The following SMOC2 variants were observed in gnomAD, a reference collection of about 807,000 sequenced individuals.
SMOC2 encodes SPARC related modular calcium binding 2, also known as SPARC-related modular calcium-binding protein 2.
A neutral mutation model predicts 61.4 loss-of-function variants in SMOC2; 39 were observed. The ratio of observed to expected loss-of-function variants is 0.64; its 90% CI spans 0.49 to 0.83. The LOEUF (loss-of-function observed/expected upper bound fraction) is 0.83. SMOC2 is among the 40% of genes least tolerant of loss of function. The probability of loss-of-function intolerance (pLI) is 0.00; values close to 1 mark genes in which losing one functional copy is unlikely to be tolerated. For synonymous variants in SMOC2, 247 were observed against 239.9 expected (o/e 1.03, Z -0.27); for missense variants, 556 against 592.9 (o/e 0.94, Z 0.65).
chr6:168,560,232 G>T (rs925999725), intron 7 of SMOC2, among the ~76,000 whole-genome samples: 1 of 152,062 alleles, frequency 6.6e-6, no homozygotes, highest in Admixed American at 6.6e-5. Flanking sequence ...CTCTGCTTTT[G>T]CCTGAAAGTC....
intron 1 of SMOC2, among the ~76,000 whole-genome samples, chr6:168,497,817 G>A (rs933023585): frequency 1.3e-5 from 2 of 152,122 alleles, no homozygotes; most frequent in African/African-American, 2.4e-5. Context: ...CAAAATAAAT[G>A]GACACAGTCA....
intron 7 of SMOC2, among the ~76,000 whole-genome samples, chr6:168,560,530 G>T (rs1408682410): frequency 6.9e-6 from 1 of 144,822 alleles, no homozygotes; most frequent in Non-Finnish European, 1.5e-5. Flanking sequence ...GTTCTTGGAG[G>T]AGGTGTCATT....
intron 9 of SMOC2, among the ~76,000 whole-genome samples, chr6:168,611,116 T>C (rs138634837): frequency 0.017 from 2,537 of 152,322 alleles, 66 homozygotes; most frequent in African/African-American, 0.057. Context: ...TCCTCCCAGG[T>C]CCTCATGTGA....
In SMOC2 at chr6:168,453,890, A is replaced by G. The variant is rs1331109622; in HGVS notation, c.84+12436A>G. Among the ~76,000 whole-genome samples, 3 of 130,696 alleles carry G rather than the reference A, an allele frequency of 2.3e-5. No homozygotes were observed. Among genetic ancestry groups the G allele is most frequent in the Non-Finnish European group, 5.0e-5 (3 of 59,926 alleles). 85.7% of individuals were successfully genotyped at this position (130,696 alleles called of 152,430 possible). On this transcript the variant is annotated intron_variant, in intron 1 of 12. Coordinates refer to ENST00000356284, the MANE Select transcript of SMOC2 (RefSeq NM_001166412.2). The surrounding 1 kb of genome is among the most constrained non-coding windows in gnomAD (Gnocchi z 4.4). Reference sequence around the variant, plus strand: ...TGCCATTCTCCATCTCTGTCTCTCTATCTCTCTTTCTCTCTGTCTTCCTCT... The same window carrying G: ...TGCCATTCTCCATCTCTGTCTCTCTGTCTCTCTTTCTCTCTGTCTTCCTCT...
In SMOC2 at chr6:168,515,826, T is replaced by G. The variant is rs148097581; in HGVS notation, c.256+5740T>G. On this transcript the variant is annotated intron_variant, in intron 2 of 12. Transcript: ENST00000356284. ...GTGTCTACTCAGCAAATTGTGCTTC[T>G]GTTTCCCTCTAAGAGTATAAATATT... Among the ~76,000 whole-genome samples the G allele has an allele frequency of 1.1e-3, 172 of 152,018 alleles. 1 individual carries two copies. The highest frequency in any genetic ancestry group is 3.4e-3 in the African/African-American group (142 of 41,574).
intron 11 of SMOC2, among the ~76,000 whole-genome samples, chr6:168,653,801 G>C (rs1476338996): frequency 6.7e-6 from 1 of 148,802 alleles, no homozygotes; most frequent in Non-Finnish European, 1.5e-5. Context: ...CAGATGTTAG[G>C]AACTCACCAC....
intron 9 of SMOC2, among the ~76,000 whole-genome samples, chr6:168,647,300 G>A (rs1351301307): frequency 6.6e-6 from 1 of 152,218 alleles, no homozygotes; most frequent in Non-Finnish European, 1.5e-5. Flanking sequence ...GCGGCTAAGT[G>A]AGAAGAAGGC....
At position 168,523,080 on chromosome 6, in the gene SMOC2, T is replaced by TTC. The variant is rs67914047; in HGVS notation, c.257-3265_257-3264insCT. ...TATGTTATTTGTAGTTGTACAGTAATTTTTTTTTTTTTTTTTTTTGAGACG... is the reference window on the plus strand; with the variant it reads ...TATGTTATTTGTAGTTGTACAGTAATTCTTTTTTTTTTTTTTTTTTTGAGACG... On this transcript the variant is annotated intron_variant, in intron 2 of 12. Transcript: ENST00000356284. 1.0e-3 allele frequency among the ~76,000 whole-genome samples: 10 copies of TTC among 9,782 alleles called. 3 individuals are homozygous for TTC. Among genetic ancestry groups the TTC allele is most frequent in the Non-Finnish European group, 1.4e-3 (3 of 2,080 alleles). 6.4% of individuals were successfully genotyped at this position (9,782 alleles called of 152,430 possible). A position where few individuals can be genotyped will look rare whatever the true frequency, so the allele number is the denominator to read the frequency against.
At chr6:168,550,484 T>C (rs1458010639) in intron 7 of SMOC2, among the ~76,000 whole-genome samples, 1 of 152,148 alleles carries the variant, frequency 6.6e-6, no homozygotes, top group Non-Finnish European at 1.5e-5. Context: ...CAGAACCCCA[T>C]GGCGAGTCTA....
chr6:168,656,570 C>T (rs186119377), intron 11 of SMOC2, among the ~76,000 whole-genome samples: 3 of 147,122 alleles, frequency 2.0e-5, no homozygotes, highest in Admixed American at 6.8e-5. Context: ...AAAAAAAACC[C>T]TCCCATGTTT....
At chr6:168,659,717 A>ATGAGGGTGGAGGTTGTAGGTTGG (rs1787446421) in intron 11 of SMOC2, among the ~76,000 whole-genome samples, 4 of 74,216 alleles carry the variant, frequency 5.4e-5, no homozygotes, top group Admixed American at 1.3e-4. Flanking sequence ...TTGTAGGCTG[A>ATGAGGGTGGAGGTTGTAGGTTGG]GTGAGGGTGG....
chr6:168,641,559 A>C (rs1786890711), intron 9 of SMOC2, among the ~76,000 whole-genome samples: 1 of 152,242 alleles, frequency 6.6e-6, no homozygotes, highest in African/African-American at 2.4e-5. Context: ...GAGTTAACTT[A>C]TTAGCTGTGA....
intron 1 of SMOC2, among the ~76,000 whole-genome samples, chr6:168,463,730 G>A (rs1583034395): frequency 6.6e-6 from 1 of 151,338 alleles, no homozygotes; most frequent in African/African-American, 2.5e-5. Flanking sequence ...TAACACTTCC[G>A]GACTCCTCTC....
intron 9 of SMOC2, among the ~76,000 whole-genome samples, chr6:168,620,602 C>T (rs1786217169): frequency 1.3e-5 from 2 of 152,280 alleles, no homozygotes; most frequent in Admixed American, 1.3e-4. Context: ...CAGACTTGTA[C>T]CAATGTCAAG....
intron 7 of SMOC2, among the ~76,000 whole-genome samples, chr6:168,555,029 TG>T (rs1197966582): frequency 6.6e-6 from 1 of 152,152 alleles, no homozygotes; most frequent in Non-Finnish European, 1.5e-5. Context: ...AGGGGGAAAG[TG>T]GATTTCGCCA....
chr6:168,481,277 T>C (rs950854236), intron 1 of SMOC2, among the ~76,000 whole-genome samples: 1 of 152,142 alleles, frequency 6.6e-6, no homozygotes, highest in Non-Finnish European at 1.5e-5. Flanking sequence ...AATGCTTCGA[T>C]GTACAGAATG....
At chr6:168,564,770 G>GC (rs1784506477) in intron 7 of SMOC2, among the ~76,000 whole-genome samples, 2 of 152,272 alleles carry the variant, frequency 1.3e-5, no homozygotes, top group Non-Finnish European at 2.9e-5. Flanking sequence ...GGCTGATGAC[G>GC]GGCAGCCGCT....
chr6:168,603,309 A>G (rs1040850323), intron 8 of SMOC2, among the ~76,000 whole-genome samples: 1 of 148,152 alleles, frequency 6.7e-6, no homozygotes, highest in Non-Finnish European at 1.5e-5. Context: ...GCAGCATGAG[A>G]ACAGATTAAT....
rs1783704292 is a variant in SMOC2 at position 168,535,159 on chromosome 6, A to G, written c.463+7432A>G. Among the ~76,000 whole-genome samples the G allele has an allele frequency of 6.6e-6, 1 of 151,810 alleles. No homozygotes were observed. The highest frequency in any genetic ancestry group is 6.6e-5 in the Admixed American group (1 of 15,230). On this transcript the variant is annotated intron_variant, in intron 4 of 12. Coordinates refer to ENST00000356284, the MANE Select transcript of SMOC2 (RefSeq NM_001166412.2). This position sits in a 1 kb window ranked among gnomAD's most constrained non-coding sequence, Gnocchi z 4.6. ...CTAATGTTTTGTATTTTTAGTAGAA[A>G]CGGGGTTTCACCGTGTTAGCCTGGA...
Sources: gnomAD v4.1 joint callset for allele counts (sites outside exome capture counted in the v4.1 genomes callset) on GRCh38, gnomAD v4.1.1 for gene constraint, Gnocchi (gnomAD v3.1) non-coding constraint, MANE v1.5 for transcripts, NCBI Gene and HGNC (gene_info 2026-07-23, HGNC 2026-07-21) for gene names.